MYO1D: variants seen among roughly 807,000 people sequenced by gnomAD.
MYO1D encodes unconventional myosin-Id.
In MYO1D, 83 loss-of-function variants were observed where a neutral mutation model predicts 122.0. The ratio of observed to expected loss-of-function variants is 0.68; its 90% CI spans 0.57 to 0.82. MYO1D has a LOEUF of 0.82. MYO1D is among the 40% of genes least tolerant of loss of function. The pLI is 0.00. For missense variants in MYO1D, 1,157 were observed against 1,269.5 expected (o/e 0.91, Z 1.35); for synonymous variants, 464 against 446.9 (o/e 1.04, Z -0.48).
chr17:32,690,499 G>A (rs140572372), intron 16 of MYO1D, among the ~76,000 whole-genome samples: 15 of 152,166 alleles, frequency 9.9e-5, no homozygotes, highest in Admixed American at 5.9e-4. Context: ...TTTATGTGTC[G>A]GCATCTGACA....
At chr17:32,833,608 C>T (rs906349812) in intron 1 of MYO1D, among the ~76,000 whole-genome samples, 2 of 152,220 alleles carry the variant, frequency 1.3e-5, no homozygotes, top group South Asian at 2.1e-4. Flanking sequence ...TCAAGTCTTT[C>T]TATCAGCCTT....
At chr17:32,770,552 T>G (rs1184108730) in intron 6 of MYO1D, among the ~76,000 whole-genome samples, 1 of 151,724 alleles carries the variant, frequency 6.6e-6, no homozygotes, top group East Asian at 1.9e-4. Flanking sequence ...GAACTAGAAA[T>G]AAAATGAACT....
chr17:32,843,414 C>T (rs2090903681), intron 1 of MYO1D, among the ~76,000 whole-genome samples: 1 of 152,160 alleles, frequency 6.6e-6, no homozygotes, highest in Non-Finnish European at 1.5e-5. Context: ...TGTGCTTATA[C>T]AAAATGTATT....
At chr17:32,782,792 C>T (rs886892700) in intron 1 of MYO1D, among the ~76,000 whole-genome samples, 2 of 151,976 alleles carry the variant, frequency 1.3e-5, no homozygotes, top group South Asian at 2.1e-4. Context: ...AAAATTAGCT[C>T]GGCGTGGTGG....
intron 21 of MYO1D, among the ~76,000 whole-genome samples, chr17:32,552,202 A>G (rs1264445327): frequency 6.6e-6 from 1 of 152,124 alleles, no homozygotes; most frequent in Non-Finnish European, 1.5e-5. Context: ...CAGCCTCCTG[A>G]GTAGCTGGGA....
intron 1 of MYO1D, among the ~76,000 whole-genome samples, chr17:32,833,253 A>G (rs1211431812): frequency 6.6e-6 from 1 of 152,192 alleles, no homozygotes; most frequent in Non-Finnish European, 1.5e-5. Flanking sequence ...TCTTCAAAGT[A>G]TATCTAGAAT....
chr17:32,830,759 A>C (rs1006093061), intron 1 of MYO1D, among the ~76,000 whole-genome samples: 1 of 152,184 alleles, frequency 6.6e-6, no homozygotes, highest in Non-Finnish European at 1.5e-5. Flanking sequence ...TCTACACAAA[A>C]AGCGTTTTTA....
chr17:32,832,783 A>G (rs943565986), intron 1 of MYO1D, among the ~76,000 whole-genome samples: 4 of 152,256 alleles, frequency 2.6e-5, no homozygotes, highest in African/African-American at 9.6e-5. Context: ...AAGTAAATGT[A>G]AAGAATAGAA....
chr17:32,773,896 C>T (rs558028346), intron 4 of MYO1D, among the ~76,000 whole-genome samples: 7 of 152,098 alleles, frequency 4.6e-5, no homozygotes, highest in African/African-American at 1.4e-4. Flanking sequence ...GCTCCCAATG[C>T]GACTTGTCCC....
intron 21 of MYO1D, among the ~76,000 whole-genome samples, chr17:32,534,330 CTAAT>C (rs1910596132): frequency 1.3e-5 from 2 of 152,220 alleles, no homozygotes; most frequent in African/African-American, 4.8e-5. Context: ...CCATACCCAC[CTAAT>C]TTTTTAATTT....
chr17:32,804,818 C>A (rs1157611796), intron 1 of MYO1D, among the ~76,000 whole-genome samples: 1 of 152,000 alleles, frequency 6.6e-6, no homozygotes, highest in Non-Finnish European at 1.5e-5. Context: ...ACAGTGGCAG[C>A]CAAGAGCAAG....
At chr17:32,835,538 C>T (rs985973983) in intron 1 of MYO1D, among the ~76,000 whole-genome samples, 1 of 152,184 alleles carries the variant, frequency 6.6e-6, no homozygotes, top group East Asian at 1.9e-4. Context: ...AGCTTTCTTA[C>T]ACGGCCCTGA....
At chr17:32,791,547 G>C (rs889627418) in intron 1 of MYO1D, among the ~76,000 whole-genome samples, 1 of 151,758 alleles carries the variant, frequency 6.6e-6, no homozygotes, top group Non-Finnish European at 1.5e-5. Context: ...TTAATGATAG[G>C]GGCCTGATGT....
chr17:32,603,985 A>T (rs1346792595), intron 21 of MYO1D, among the ~76,000 whole-genome samples: 3 of 152,252 alleles, frequency 2.0e-5, no homozygotes, highest in Admixed American at 6.5e-5. Flanking sequence ...AGCATGTAAA[A>T]GCATTTAATG....
chr17:32,827,292 AAGTC>A (rs1450220012), intron 1 of MYO1D, among the ~76,000 whole-genome samples: 1 of 152,244 alleles, frequency 6.6e-6, no homozygotes, highest in African/African-American at 2.4e-5. Flanking sequence ...AGTTGTGACT[AAGTC>A]AGTCACAAAA....
intron 20 of MYO1D, among the ~76,000 whole-genome samples, chr17:32,631,416 C>T (rs2088004681): frequency 6.6e-6 from 1 of 152,108 alleles, no homozygotes; most frequent in South Asian, 2.1e-4. Flanking sequence ...GAGGCTGAGG[C>T]AGGAGGATTG....
At chr17:32,646,923 G>T (rs2088303227) in intron 19 of MYO1D, among the ~76,000 whole-genome samples, 1 of 151,912 alleles carries the variant, frequency 6.6e-6, no homozygotes, top group Non-Finnish European at 1.5e-5. Context: ...TATAATTATG[G>T]CAAAAAAGCA....
intron 1 of MYO1D, among the ~76,000 whole-genome samples, chr17:32,863,973 C>CT (rs1319206291): frequency 9.3e-6 from 1 of 107,550 alleles, no homozygotes; most frequent in Non-Finnish European, 1.8e-5. Flanking sequence ...CATACTGCCA[C>CT]TTTTAAAATA....
intron 21 of MYO1D, among the ~76,000 whole-genome samples, chr17:32,540,994 C>T (rs1202902997): frequency 2.0e-5 from 3 of 151,294 alleles, no homozygotes; most frequent in Non-Finnish European, 4.4e-5. Flanking sequence ...TCATACGCTG[C>T]TGGTAGAAAT....
Sources: gnomAD v4.1 joint callset for allele counts (sites outside exome capture counted in the v4.1 genomes callset) on GRCh38, gnomAD v4.1.1 for gene constraint, MANE v1.5 for transcripts, NCBI Gene and HGNC (gene_info 2026-07-23, HGNC 2026-07-21) for gene names.